The following DSCAML1 variants were observed in gnomAD, a reference collection of about 807,000 sequenced individuals.
DSCAML1 encodes cell adhesion molecule DSCAML1.
A neutral mutation model predicts 200.5 loss-of-function variants in DSCAML1; 38 were observed. The ratio of observed to expected loss-of-function variants is 0.19; its 90% CI spans 0.15 to 0.25. The LOEUF (loss-of-function observed/expected upper bound fraction) is 0.25. Among genes scored for constraint, DSCAML1 ranks in the 10% least tolerant of loss-of-function variants. The probability of loss-of-function intolerance (pLI) is 1.00; values close to 1 mark genes in which losing one functional copy is unlikely to be tolerated. For missense variants in DSCAML1, 2,223 were observed against 2,858.8 expected (o/e 0.78, Z 5.07); for synonymous variants, 1,215 against 1,165.0 (o/e 1.04, Z -0.87).
chr11:117,800,448 CCAGG>C, upstream of DSCAML1, among the ~76,000 whole-genome samples: 1 of 152,324 alleles, frequency 6.6e-6, no homozygotes, highest in East Asian at 1.9e-4. Flanking sequence ...ACACAGTTGC[CCAGG>C]CAAACATTCA....
Position 117,505,780 on chromosome 11 carries a change from C to G in DSCAML1, c.1784-48G>C, listed in dbSNP as rs2049484436. The G allele has an allele frequency of 3.8e-6, 6 of 1,568,814 alleles. No individual in the cohort carries two copies. The Admixed American group carries it at 1.0e-4, about 27-fold the overall frequency. On this transcript the variant is annotated intron_variant, in intron 8 of 32. Transcript: ENST00000651296. This position sits in a 1 kb window ranked among gnomAD's most constrained non-coding sequence, Gnocchi z 6.7. Reference sequence around the variant, plus strand: ...CCGTCAGGACCCTGTGCATTCTCACCTGGCCGCCAACGCCGCCTCACCTGC... The same window carrying G: ...CCGTCAGGACCCTGTGCATTCTCACGTGGCCGCCAACGCCGCCTCACCTGC...
At chr11:117,729,510 T>C (rs930263172) in intron 3 of DSCAML1, among the ~76,000 whole-genome samples, 13 of 152,120 alleles carry the variant, frequency 8.5e-5, no homozygotes, top group African/African-American at 3.1e-4. Context: ...AAGAAAATAT[T>C]TGTAGAGCAT....
At position 117,505,873 on chromosome 11, in the gene DSCAML1, T is replaced by G. The variant is rs78256789; in HGVS notation, c.1784-141A>C. 3 of 1,020,406 alleles carry G rather than the reference T, an allele frequency of 2.9e-6. No homozygotes were observed. The highest frequency in any genetic ancestry group is 3.2e-5 in the African/African-American group (2 of 61,710). The allele number at this position is 1,020,406 out of a possible 1,614,324, so 63.2% of individuals were successfully genotyped here. A position where few individuals can be genotyped will look rare whatever the true frequency, so the allele number is the denominator to read the frequency against. On this transcript the variant is annotated intron_variant, in intron 8 of 32. Transcript: ENST00000651296. This position sits in a 1 kb window ranked among gnomAD's most constrained non-coding sequence, Gnocchi z 6.7. The stretch of plus-strand genomic sequence containing the variant: ...GGGGCACTGCAGCCTTGTTCTCCTA[T>G]GCATGCAGGGTCTCCTAATGATGCC...
intron 3 of DSCAML1, among the ~76,000 whole-genome samples, chr11:117,675,455 G>A (rs2053192170): frequency 6.8e-6 from 1 of 146,534 alleles, no homozygotes; most frequent in Non-Finnish European, 1.5e-5. Flanking sequence ...GTGCCCCTAT[G>A]CCTGGCTGAT....
At chr11:117,619,175 G>A (rs1209910000) in intron 3 of DSCAML1, among the ~76,000 whole-genome samples, 1 of 152,212 alleles carries the variant, frequency 6.6e-6, no homozygotes, top group Non-Finnish European at 1.5e-5. Flanking sequence ...TCGGCCCAGT[G>A]CTCAGTGACT....
At chr11:117,755,165 T>C (rs1248090072) in intron 3 of DSCAML1, among the ~76,000 whole-genome samples, 1 of 152,134 alleles carries the variant, frequency 6.6e-6, no homozygotes, top group East Asian at 1.9e-4. Flanking sequence ...TGGGTAGCGC[T>C]TGGGTTTAAT....
At chr11:117,741,719 A>G (rs765704172) in intron 3 of DSCAML1, among the ~76,000 whole-genome samples, 19 of 152,218 alleles carry the variant, frequency 1.2e-4, no homozygotes, top group Non-Finnish European at 2.2e-4. Context: ...AAGCATGTCC[A>G]GCTTCCCTCC....
chr11:117,442,308 T>C (rs10892106), intron 21 of DSCAML1, among the ~76,000 whole-genome samples: 32,569 of 151,256 alleles, frequency 0.22, 4,821 homozygotes, highest in East Asian at 0.59. Flanking sequence ...TGTGTGCATA[T>C]GTGTATGCAT....
In DSCAML1 at chr11:117,469,990, G is replaced by A. The variant is rs1334443694; in HGVS notation, c.2954-10C>T. ...GGGGGCCCATCGGGAGCTGAGCAGG[G>A]TAGCGGGGAGGAGAAACATTACAAG... is the stretch of plus-strand genomic sequence containing the variant. On this transcript the variant is annotated splice_polypyrimidine_tract_variant and intron_variant, in intron 15 of 32. Transcript: ENST00000651296. This position sits in a 1 kb window ranked among gnomAD's most constrained non-coding sequence, Gnocchi z 4.1. 2 of 1,589,944 alleles carry A rather than the reference G, an allele frequency of 1.3e-6. No individual in the cohort carries two copies. The highest frequency in any genetic ancestry group is 1.7e-6 in the Non-Finnish European group (2 of 1,164,930).
intron 14 of DSCAML1, among the ~76,000 whole-genome samples, chr11:117,478,520 C>T (rs961043343): frequency 3.3e-5 from 5 of 152,188 alleles, no homozygotes; most frequent in Non-Finnish European, 5.9e-5. Context: ...ATACCAATTT[C>T]TTCCACTCAC....
chr11:117,682,211 G>A (rs561089382), intron 3 of DSCAML1, among the ~76,000 whole-genome samples: 62 of 152,262 alleles, frequency 4.1e-4, no homozygotes, highest in Admixed American at 5.9e-4. Flanking sequence ...TCAGCCACAC[G>A]TGAGATGCAG....
At chr11:117,511,627 C>T (rs1453772902) in intron 8 of DSCAML1, among the ~76,000 whole-genome samples, 2 of 152,154 alleles carry the variant, frequency 1.3e-5, no homozygotes, top group African/African-American at 2.4e-5. Flanking sequence ...TCACATATGC[C>T]AAGGCACACA....
chr11:117,812,630 A>G (rs192805738), intron 1 of DSCAML1, among the ~76,000 whole-genome samples: 13,282 of 149,488 alleles, frequency 0.089, 617 homozygotes, highest in Middle Eastern at 0.13. Context: ...CTGTACTGCC[A>G]CAAGGCTTCA....
chr11:117,804,342 T>C (rs553034854), intron 1 of DSCAML1, among the ~76,000 whole-genome samples: 3 of 152,262 alleles, frequency 2.0e-5, no homozygotes, highest in Non-Finnish European at 4.4e-5. Flanking sequence ...GTCAACTCAG[T>C]CTCTCAAATG....
intron 3 of DSCAML1, among the ~76,000 whole-genome samples, chr11:117,765,328 C>T (rs1410385958): frequency 1.3e-5 from 2 of 152,192 alleles, no homozygotes; most frequent in African/African-American, 4.8e-5. Flanking sequence ...CCACAAAAGC[C>T]AAGAGCGTAA....
At chr11:117,552,318 T>A (rs1306622297) in intron 3 of DSCAML1, among the ~76,000 whole-genome samples, 2 of 151,922 alleles carry the variant, frequency 1.3e-5, no homozygotes, top group Non-Finnish European at 2.9e-5. Flanking sequence ...GCATCTCCTA[T>A]GGAGCAAATA....
rs2048519808 is a variant in DSCAML1, at chr11:117,463,367, T to C, written c.3265+1575A>G. Among the ~76,000 whole-genome samples the C allele has an allele frequency of 1.3e-5, 2 of 150,510 alleles. No homozygotes were observed. Among genetic ancestry groups the C allele is most frequent in the Admixed American group, 6.6e-5 (1 of 15,152 alleles). On this transcript the variant is annotated intron_variant, in intron 17 of 32. Coordinates refer to ENST00000651296, the MANE Select transcript of DSCAML1 (RefSeq NM_020693.4). The surrounding 1 kb of genome is among the most constrained non-coding windows in gnomAD (Gnocchi z 4.0). ...AACTTATTAGAAATAATACATCCTT[T>C]TTTTTTTTTTTTTAGAGATGGGGTC...
At chr11:117,702,590 A>G (rs1037640729) in intron 3 of DSCAML1, among the ~76,000 whole-genome samples, 1 of 152,110 alleles carries the variant, frequency 6.6e-6, no homozygotes, top group Non-Finnish European at 1.5e-5. Context: ...CCTGAAAATG[A>G]GGACTATGTC....
intron 3 of DSCAML1, among the ~76,000 whole-genome samples, chr11:117,734,491 C>T (rs919014127): frequency 6.6e-6 from 1 of 152,196 alleles, no homozygotes; most frequent in Non-Finnish European, 1.5e-5. Flanking sequence ...AGACTTGGGC[C>T]ACCTCGGGCT....
Sources: gnomAD v4.1 joint callset for allele counts (sites outside exome capture counted in the v4.1 genomes callset) on GRCh38, gnomAD v4.1.1 for gene constraint, Gnocchi (gnomAD v3.1) non-coding constraint, MANE v1.5 for transcripts, NCBI Gene and HGNC (gene_info 2026-07-23, HGNC 2026-07-21) for gene names.